Variants in MACROD2 observed in about 807,000 individuals in gnomAD.
MACROD2 encodes ADP-ribose glycohydrolase MACROD2.
A neutral mutation model predicts 70.4 loss-of-function variants in MACROD2; 36 were observed. The ratio of observed to expected loss-of-function variants is 0.51; its 90% CI spans 0.39 to 0.68. MACROD2 has a LOEUF of 0.68. Among genes scored for constraint, MACROD2 ranks in the 30% least tolerant of loss-of-function variants. The pLI, the probability that MACROD2 is intolerant of heterozygous loss-of-function variation, is 0.00. For synonymous variants in MACROD2, 172 were observed against 178.8 expected (o/e 0.96, Z 0.30); for missense variants, 496 against 538.4 (o/e 0.92, Z 0.78).
chr20:14,836,316 T>C (rs2073029892), intron 5 of MACROD2, among the ~76,000 whole-genome samples: 1 of 152,074 alleles, frequency 6.6e-6, no homozygotes, highest in Non-Finnish European at 1.5e-5. Context: ...TATTGAAGCA[T>C]CTTTAGTGAC....
intron 5 of MACROD2, among the ~76,000 whole-genome samples, chr20:14,713,379 C>T (rs971862320): frequency 3.9e-5 from 6 of 152,164 alleles, no homozygotes; most frequent in Non-Finnish European, 5.9e-5. Flanking sequence ...GTGGTTGAGT[C>T]AGGATTTGAA....
intron 13 of MACROD2, among the ~76,000 whole-genome samples, chr20:15,982,674 G>C (rs569819011): frequency 5.9e-5 from 9 of 152,330 alleles, no homozygotes; most frequent in Admixed American, 5.9e-4. Flanking sequence ...GATACCAGGA[G>C]TAAGGTGGCG....
intron 3 of MACROD2, among the ~76,000 whole-genome samples, chr20:14,440,633 G>C (rs1251586998): frequency 6.6e-6 from 1 of 152,214 alleles, no homozygotes; most frequent in African/African-American, 2.4e-5. Flanking sequence ...GTCTGTAGAA[G>C]AGTCAAGATT....
chr20:15,734,390 A>G lies in MACROD2; in HGVS notation c.646-128355A>G, dbSNP rs564468649. Among the ~76,000 whole-genome samples, 5 of 152,334 alleles carry G rather than the reference A, an allele frequency of 3.3e-5. No individual in the cohort carries two copies. The South Asian group carries it at 1.0e-3, about 32-fold the overall frequency. On this transcript the variant is annotated intron_variant, in intron 8 of 17. Transcript: ENST00000684519. ...CATAACTGATGGAAGTTAACAAGAC[A>G]GGGTGCAGAGAGGTATGTAAAGGAA...
At chr20:14,878,166 A>G (rs1007729292) in intron 5 of MACROD2, among the ~76,000 whole-genome samples, 1 of 152,170 alleles carries the variant, frequency 6.6e-6, no homozygotes, top group Non-Finnish European at 1.5e-5. Flanking sequence ...CTTGCTTTCA[A>G]CTTGACTCAG....
chr20:14,271,330 A>G (rs141225267), intron 3 of MACROD2, among the ~76,000 whole-genome samples: 1,755 of 152,266 alleles, frequency 0.012, 28 homozygotes, highest in African/African-American at 0.04. Flanking sequence ...AGCATTTGCA[A>G]TTCATGAAAA....
At chr20:15,234,328 G>C (rs1322285856) in intron 6 of MACROD2, among the ~76,000 whole-genome samples, 2 of 151,306 alleles carry the variant, frequency 1.3e-5, no homozygotes, top group East Asian at 3.9e-4. Context: ...CACCGCGCCC[G>C]GCCTATATAT....
At chr20:14,957,622 G>A (rs1051886613) in intron 5 of MACROD2, among the ~76,000 whole-genome samples, 3 of 152,142 alleles carry the variant, frequency 2.0e-5, no homozygotes, top group East Asian at 3.9e-4. Context: ...GCAGGGAGGA[G>A]TGCAGTGCTG....
At chr20:14,050,306 A>G (rs922511627) in intron 2 of MACROD2, among the ~76,000 whole-genome samples, 4 of 152,166 alleles carry the variant, frequency 2.6e-5, no homozygotes, top group Non-Finnish European at 4.4e-5. Context: ...AGGAAAGGAA[A>G]GATGGCTCTG....
intron 5 of MACROD2, among the ~76,000 whole-genome samples, chr20:14,899,812 A>G (rs368411509): frequency 5.3e-5 from 8 of 152,198 alleles, no homozygotes; most frequent in South Asian, 2.1e-4. Context: ...AAAAACAATA[A>G]CAACAACAAA....
intron 6 of MACROD2, among the ~76,000 whole-genome samples, chr20:15,343,688 T>G (rs1441355740): frequency 2.0e-5 from 3 of 152,220 alleles, no homozygotes; most frequent in Non-Finnish European, 4.4e-5. Context: ...CTTTGATCAT[T>G]TCTAAGAAGA....
chr20:14,589,992 A>G (rs142418323), intron 4 of MACROD2, among the ~76,000 whole-genome samples: 5 of 152,294 alleles, frequency 3.3e-5, no homozygotes, highest in African/African-American at 1.2e-4. Flanking sequence ...CATGGCATAC[A>G]TTTGTATTAT....
chr20:14,276,902 T>C (rs2082263395), intron 3 of MACROD2, among the ~76,000 whole-genome samples: 1 of 152,208 alleles, frequency 6.6e-6, no homozygotes, highest in Non-Finnish European at 1.5e-5. Context: ...TGTCTTCTTC[T>C]TCATCATTTC....
At chr20:14,014,255 A>G (rs923985285) in intron 2 of MACROD2, among the ~76,000 whole-genome samples, 1 of 108,192 alleles carries the variant, frequency 9.2e-6, no homozygotes, top group East Asian at 3.3e-4. Context: ...TAATTTTTGC[A>G]TAGGAGAGAG....
At chr20:14,514,850 G>A (rs1260977152) in intron 4 of MACROD2, among the ~76,000 whole-genome samples, 1 of 152,140 alleles carries the variant, frequency 6.6e-6, no homozygotes, top group Non-Finnish European at 1.5e-5. Flanking sequence ...TTCCATGGTA[G>A]ATTTTCCACT....
At chr20:15,836,516 C>T (rs2064116203) in intron 8 of MACROD2, among the ~76,000 whole-genome samples, 1 of 152,120 alleles carries the variant, frequency 6.6e-6, no homozygotes, top group Non-Finnish European at 1.5e-5. Flanking sequence ...CAAAATATAT[C>T]TACTGATGTT....
chr20:14,024,486 A>G (rs2148627097), intron 2 of MACROD2, among the ~76,000 whole-genome samples: 1 of 152,324 alleles, frequency 6.6e-6, no homozygotes, highest in South Asian at 2.1e-4. Flanking sequence ...AAATGCTTCC[A>G]GCTTTTGCCC....
chr20:14,533,079 CA>C (rs150597469), intron 4 of MACROD2, among the ~76,000 whole-genome samples: 1 of 151,906 alleles, frequency 6.6e-6, no homozygotes, highest in African/African-American at 2.4e-5. Flanking sequence ...ACCAGTTTTC[CA>C]AAAAACAGGA....
chr20:15,119,080 G>A (rs1340476554), intron 5 of MACROD2, among the ~76,000 whole-genome samples: 1 of 152,122 alleles, frequency 6.6e-6, no homozygotes, highest in African/African-American at 2.4e-5. Flanking sequence ...TTGGGAACTA[G>A]AGTAATTAAT....
Sources: allele counts gnomAD v4.1 joint callset (sites outside exome capture counted in the v4.1 genomes callset), GRCh38; gene constraint gnomAD v4.1.1; transcripts MANE v1.5; gene names NCBI Gene and HGNC (gene_info 2026-07-23, HGNC 2026-07-21).